The following GFOD1 variants were observed in gnomAD, a reference collection of about 807,000 sequenced individuals.
GFOD1 encodes the protein glucose-fructose oxidoreductase domain-containing protein 1.
GFOD1 carries 9 observed loss-of-function variants against 25.4 expected under a neutral mutation model. The observed-to-expected ratio is 0.35, with a 90% CI of 0.21 to 0.62. GFOD1 has a LOEUF of 0.62. GFOD1 is among the 20% of genes least tolerant of loss of function. The probability of loss-of-function intolerance (pLI) is 0.72; values close to 1 mark genes in which losing one functional copy is unlikely to be tolerated. For synonymous variants in GFOD1, 253 were observed against 245.6 expected, an observed-to-expected ratio of 1.03 and a Z score of -0.28; for missense variants, 403 against 556.9, an observed-to-expected ratio of 0.72 and a Z score of 2.78.
At chr6:13,376,963 C>A (rs1785268028) in intron 1 of GFOD1, among the ~76,000 whole-genome samples, 1 of 151,520 alleles carries the variant, frequency 6.6e-6, no homozygotes, top group African/African-American at 2.4e-5. Flanking sequence ...ATTCTCTATT[C>A]AAGGTGGGTT....
intron 1 of GFOD1, among the ~76,000 whole-genome samples, chr6:13,394,159 T>C (rs1785679196): frequency 1.3e-5 from 2 of 152,178 alleles, no homozygotes; most frequent in South Asian, 4.1e-4. Context: ...AGATGTACCT[T>C]GTTGTTAGTC....
chr6:13,464,861 C>CGTGTGTGT (rs36218477), intron 1 of GFOD1, among the ~76,000 whole-genome samples: 84 of 146,866 alleles, frequency 5.7e-4, no homozygotes, highest in African/African-American at 2.1e-3. Context: ...TTCCTCTTTC[C>CGTGTGTGT]GTGTGTGTGT....
At chr6:13,469,864 C>G (rs938121111) in intron 1 of GFOD1, 2 of 1,206,624 alleles carry the variant, frequency 1.7e-6, no homozygotes. Flanking sequence ...ATGAGTAACA[C>G]TCGTACTATG....
chr6:13,435,272 C>T (rs1365391515), intron 1 of GFOD1, among the ~76,000 whole-genome samples: 1 of 152,172 alleles, frequency 6.6e-6, no homozygotes, highest in Non-Finnish European at 1.5e-5. Context: ...TGCTAATTCC[C>T]TACTTGCATC....
intron 1 of GFOD1, among the ~76,000 whole-genome samples, chr6:13,476,852 G>A (rs1430552663): frequency 6.6e-6 from 1 of 152,060 alleles, no homozygotes; most frequent in African/African-American, 2.4e-5. Context: ...TAAACCCCAA[G>A]GCATCCCAGA....
At chr6:13,445,331 G>C (rs1055687728) in intron 1 of GFOD1, among the ~76,000 whole-genome samples, 34 of 152,306 alleles carry the variant, frequency 2.2e-4, no homozygotes, top group African/African-American at 7.2e-4. Flanking sequence ...GCATATAAAT[G>C]AGTTCCAGAG....
Position 13,459,467 on chromosome 6 carries a change from C to T in GFOD1, c.253+27171G>A, listed in dbSNP as rs183683298. On this transcript the variant is annotated intron_variant, in intron 1 of 1. Transcript: ENST00000379287. ...CATGGGCAAAGATTTTATGATGAAA[C>T]TGCCAAAAGCAATTGCAACAAAAGC... is the stretch of plus-strand genomic sequence containing the variant. Among the ~76,000 whole-genome samples, 7 of 151,856 alleles carry T rather than the reference C, an allele frequency of 4.6e-5. 1 individual carries two copies. The highest frequency in any genetic ancestry group is 7.2e-5 in the African/African-American group (3 of 41,458).
intron 1 of GFOD1, among the ~76,000 whole-genome samples, chr6:13,462,896 GAGA>G (rs1338421557): frequency 1.3e-5 from 2 of 152,154 alleles, no homozygotes; most frequent in Non-Finnish European, 2.9e-5. Context: ...TCTTATCCTT[GAGA>G]AGAAAGCAAC....
intron 1 of GFOD1, among the ~76,000 whole-genome samples, chr6:13,388,823 G>T (rs1562201683): frequency 6.6e-6 from 1 of 152,162 alleles, no homozygotes; most frequent in Admixed American, 6.6e-5. Flanking sequence ...AGAATGAACA[G>T]GCAACCTACA....
intron 1 of GFOD1, among the ~76,000 whole-genome samples, chr6:13,457,012 C>T (rs1281877996): frequency 1.3e-5 from 2 of 152,192 alleles, no homozygotes. Context: ...AGTGGCCCAC[C>T]TGGGAAAATC....
Position 13,365,409 on chromosome 6 carries a change from G to C in GFOD1, c.507C>G (p.Gly169=). 6.2e-7 allele frequency: 1 copy of C among 1,613,960 alleles called. No homozygotes were observed. Among genetic ancestry groups the C allele is most frequent in the Non-Finnish European group, 8.5e-7 (1 of 1,179,968 alleles). The change falls in exon 2 of 2, where the codon GGC becomes GGG. Residue 169 remains glycine (G), a synonymous_variant. Coordinates refer to ENST00000379287, the MANE Select transcript of GFOD1 (RefSeq NM_018988.4). This position sits in a 1 kb window ranked among gnomAD's most constrained non-coding sequence, Gnocchi z 9.2. ...KYNWSCDDLM[G]GGGLHSVGTY... Reference sequence around the variant, plus strand: ...TGCCCACGGAGTGCAGGCCGCCGCCGCCCATCAAGTCGTCGCAGCTCCAGT... The same window carrying C: ...TGCCCACGGAGTGCAGGCCGCCGCCCCCCATCAAGTCGTCGCAGCTCCAGT...
Position 13,452,490 on chromosome 6 carries a change from G to A in GFOD1, c.253+34148C>T, listed in dbSNP as rs150407571. On this transcript the variant is annotated intron_variant, in intron 1 of 1. Coordinates refer to ENST00000379287, the MANE Select transcript of GFOD1 (RefSeq NM_018988.4). ...ACAGTTCTGGAGTTGGGAAGTCTAA[G>A]ATCAAGGTGCCCGCAGATTCGGCAT... 5.1e-3 allele frequency among the ~76,000 whole-genome samples: 780 copies of A among 152,280 alleles called. 7 individuals carry two copies. The highest frequency in any genetic ancestry group is 0.018 in the African/African-American group (737 of 41,546).
At chr6:13,443,509 CATT>C (rs1757951000) in intron 1 of GFOD1, among the ~76,000 whole-genome samples, 1 of 150,846 alleles carries the variant, frequency 6.6e-6, no homozygotes, top group African/African-American at 2.5e-5. Flanking sequence ...CAAACTTCAT[CATT>C]GTCTTATTTT....
intron 1 of GFOD1, among the ~76,000 whole-genome samples, chr6:13,434,510 T>C (rs1757802840): frequency 6.6e-6 from 1 of 151,956 alleles, no homozygotes; most frequent in Non-Finnish European, 1.5e-5. Flanking sequence ...GTGCAGGGCA[T>C]TATGGGAACA....
intron 1 of GFOD1, among the ~76,000 whole-genome samples, chr6:13,383,797 C>T (rs1181365070): frequency 1.3e-5 from 2 of 152,244 alleles, no homozygotes; most frequent in Admixed American, 6.5e-5. Context: ...CTTCACACCC[C>T]TGGGTGGAGC....
chr6:13,470,236 G>A (rs1428511611), intron 1 of GFOD1: 1 of 1,595,758 alleles, frequency 6.3e-7, no homozygotes, highest in African/African-American at 1.3e-5. Context: ...TGGAAAGAAG[G>A]GCAATTGCCG....
chr6:13,397,143 T>G (rs1785748543), intron 1 of GFOD1, among the ~76,000 whole-genome samples: 1 of 152,112 alleles, frequency 6.6e-6, no homozygotes, highest in Admixed American at 6.5e-5. Flanking sequence ...CCATTGTGGG[T>G]GCCCACAGTG....
At chr6:13,474,216 C>T (rs2127578144) in intron 1 of GFOD1, among the ~76,000 whole-genome samples, 1 of 152,172 alleles carries the variant, frequency 6.6e-6, no homozygotes, top group South Asian at 2.1e-4. Context: ...CCTGTCTCTA[C>T]TAAAAATACA....
chr6:13,455,311 GT>G (rs1246805229), intron 1 of GFOD1, among the ~76,000 whole-genome samples: 1 of 152,142 alleles, frequency 6.6e-6, no homozygotes, highest in Non-Finnish European at 1.5e-5. Flanking sequence ...AATCACCTTG[GT>G]AATTCCAGAT....
Sources: allele counts gnomAD v4.1 joint callset (sites outside exome capture counted in the v4.1 genomes callset), GRCh38; gene constraint gnomAD v4.1.1; non-coding constraint Gnocchi (gnomAD v3.1); transcripts MANE v1.5; gene names NCBI Gene and HGNC (gene_info 2026-07-23, HGNC 2026-07-21).